The following STUM variants were observed in gnomAD, a reference collection of about 807,000 sequenced individuals.
The protein encoded by STUM is stum, mechanosensory transduction mediator homolog.
A neutral mutation model predicts 15.3 loss-of-function variants in STUM; 8 were observed. The observed-to-expected ratio is 0.52, with a 90% CI of 0.31 to 0.94. STUM has a LOEUF of 0.94. STUM is among the 40% of genes least tolerant of loss of function. The probability of loss-of-function intolerance (pLI) is 0.05; values close to 1 mark genes in which losing one functional copy is unlikely to be tolerated. For synonymous variants in STUM, 78 were observed against 88.7 expected, an observed-to-expected ratio of 0.88 and a Z score of 0.68; for missense variants, 142 against 204.9, an observed-to-expected ratio of 0.69 and a Z score of 1.87.
rs370712642 is a variant in STUM at position 226,602,054 on chromosome 1, G to T, written c.*14G>T. 1.2e-6 allele frequency: 2 copies of T among 1,603,314 alleles called. No individual in the cohort carries two copies. Among genetic ancestry groups the T allele is most frequent in the Non-Finnish European group, 8.5e-7 (1 of 1,178,220 alleles). On this transcript the variant is annotated 3_prime_UTR_variant, in exon 4 of 4. Transcript: ENST00000366788. ...CAGCAGCTGTGAGCCCACGGGAGCC[G>T]CTGGGGAGATCCAGGGGGGCCCTGT...
intron 1 of STUM, among the ~76,000 whole-genome samples, chr1:226,594,463 T>C (rs1668138945): frequency 6.6e-6 from 1 of 152,198 alleles, no homozygotes; most frequent in Admixed American, 6.5e-5. Flanking sequence ...AATGCCCTGC[T>C]TTCTGGTCTG....
At chr1:226,588,860 G>GC (rs1395187791) in intron 1 of STUM, among the ~76,000 whole-genome samples, 1 of 152,174 alleles carries the variant, frequency 6.6e-6, no homozygotes, top group African/African-American at 2.4e-5. Flanking sequence ...TGTTTCTTTG[G>GC]CTTTCAAAAT....
At chr1:226,579,435 G>A (rs1185587325) in intron 1 of STUM, among the ~76,000 whole-genome samples, 3 of 152,160 alleles carry the variant, frequency 2.0e-5, no homozygotes, top group Non-Finnish European at 4.4e-5. Flanking sequence ...TCCATGTGGT[G>A]CTTCCTGTCT....
In STUM at chr1:226,549,948, T is replaced by A. The variant is rs1018355723; in HGVS notation, c.202+842T>A. ...GGAGGCAGGGAATGAGAAGTTTTCC[T>A]GACCCTCCCTCCCTTAACTCCACCC... On this transcript the variant is annotated intron_variant, in intron 1 of 3. Transcript: ENST00000366788. This position sits in a 1 kb window ranked among gnomAD's most constrained non-coding sequence, Gnocchi z 6.8. 6.6e-6 allele frequency among the ~76,000 whole-genome samples: 1 copy of A among 152,162 alleles called. No homozygotes were observed. The highest frequency in any genetic ancestry group is 1.5e-5 in the Non-Finnish European group (1 of 68,020).
chr1:226,562,156 G>T (rs1268860324), intron 1 of STUM, among the ~76,000 whole-genome samples: 2 of 152,130 alleles, frequency 1.3e-5, no homozygotes, highest in Admixed American at 1.3e-4. Context: ...TATTCAGTGG[G>T]TGAATTTTGT....
At chr1:226,578,359 C>CTTTT (rs34568214) in intron 1 of STUM, among the ~76,000 whole-genome samples, 17 of 67,282 alleles carry the variant, frequency 2.5e-4, no homozygotes, top group East Asian at 4.9e-4. Context: ...CAACCCCCAG[C>CTTTT]TTTTTTTTTT....
At chr1:226,585,071 A>G (rs751312168) in intron 1 of STUM, among the ~76,000 whole-genome samples, 1 of 152,224 alleles carries the variant, frequency 6.6e-6, no homozygotes, top group Non-Finnish European at 1.5e-5. Flanking sequence ...TAGTCATCAC[A>G]ATTATAATTT....
At chr1:226,551,086 T>TA (rs1436233789) in intron 1 of STUM, among the ~76,000 whole-genome samples, 5 of 151,406 alleles carry the variant, frequency 3.3e-5, no homozygotes, top group South Asian at 4.2e-4. Context: ...TTTTTTTTTT[T>TA]AATTTTGCTT....
chr1:226,591,936 A>T (rs538136577), intron 1 of STUM, among the ~76,000 whole-genome samples: 1 of 152,272 alleles, frequency 6.6e-6, no homozygotes, highest in South Asian at 2.1e-4. Flanking sequence ...AGAGATCAGA[A>T]CACCATCCAA....
At chr1:226,578,149 C>G (rs1234905249) in intron 1 of STUM, among the ~76,000 whole-genome samples, 3 of 152,146 alleles carry the variant, frequency 2.0e-5, no homozygotes, top group Non-Finnish European at 2.9e-5. Flanking sequence ...CAATATCTCA[C>G]CATCTTGCTT....
At chr1:226,579,501 A>T (rs1332973023) in intron 1 of STUM, among the ~76,000 whole-genome samples, 2 of 152,064 alleles carry the variant, frequency 1.3e-5, no homozygotes, top group African/African-American at 4.8e-5. Flanking sequence ...TGAGATGAGG[A>T]GGTCTGTGAA....
At chr1:226,579,662 T>G (rs1667887834) in intron 1 of STUM, among the ~76,000 whole-genome samples, 1 of 146,554 alleles carries the variant, frequency 6.8e-6, no homozygotes, top group African/African-American at 2.5e-5. Context: ...AGACAGGGCC[T>G]TTTTCGCCCA....
chr1:226,604,537 G>GT lies in STUM; in HGVS notation c.*2497_*2498insT, dbSNP rs1387910289. 3 of 152,136 alleles carry GT rather than the reference G, an allele frequency of 2.0e-5. No individual in the cohort carries two copies. Among genetic ancestry groups the GT allele is most frequent in the Non-Finnish European group, 4.4e-5 (3 of 68,030 alleles). 9.4% of individuals were successfully genotyped at this position (152,136 alleles called of 1,614,324 possible). A position where few individuals can be genotyped will look rare whatever the true frequency, so the allele number is the denominator to read the frequency against. ...GGGACCGGTTCAAAATAGCGCCCCC[G>GT]CCCCTCTAAATTAGACCGTGGTCTC... On this transcript the variant is annotated 3_prime_UTR_variant, in exon 4 of 4. Coordinates refer to ENST00000366788, the MANE Select transcript of STUM (RefSeq NM_001003665.4). This position sits in a 1 kb window ranked among gnomAD's most constrained non-coding sequence, Gnocchi z 4.7.
chr1:226,593,077 T>C (rs753620078), intron 1 of STUM, among the ~76,000 whole-genome samples: 4 of 151,578 alleles, frequency 2.6e-5, no homozygotes, highest in Non-Finnish European at 5.9e-5. Flanking sequence ...TCCCAGCTAC[T>C]TGGGAGGCTG....
At position 226,580,205 on chromosome 1, in the gene STUM, A is replaced by G. The variant is rs144749737; in HGVS notation, c.203-16597A>G. On this transcript the variant is annotated intron_variant, in intron 1 of 3. Coordinates refer to ENST00000366788, the MANE Select transcript of STUM (RefSeq NM_001003665.4). Reference sequence around the variant, plus strand: ...GGGAATCCTGGGTTCTGGCTGGTGCAGGTGATGGGAGTGGGTGTGGATCTC... The same window carrying G: ...GGGAATCCTGGGTTCTGGCTGGTGCGGGTGATGGGAGTGGGTGTGGATCTC... Among the ~76,000 whole-genome samples, 119 of 152,292 alleles carry G rather than the reference A, an allele frequency of 7.8e-4. 1 individual carries two copies. The East Asian group carries it at 0.019, about 24-fold the overall frequency.
chr1:226,593,998 A>G (rs1333213862), intron 1 of STUM, among the ~76,000 whole-genome samples: 6 of 152,196 alleles, frequency 3.9e-5, no homozygotes, highest in African/African-American at 1.4e-4. Flanking sequence ...CAGGCCACCT[A>G]CTGTGTACAA....
In STUM at chr1:226,602,289, G is replaced by A; in HGVS notation, c.*249G>A. The A allele has an allele frequency of 5.7e-6, 3 of 525,342 alleles. No individual in the cohort carries two copies. Among genetic ancestry groups the A allele is most frequent in the Non-Finnish European group, 1.0e-5 (3 of 292,614 alleles). The allele number at this position is 525,342 out of a possible 1,614,324, so 32.5% of individuals were successfully genotyped here. A position where few individuals can be genotyped will look rare whatever the true frequency, so the allele number is the denominator to read the frequency against. On this transcript the variant is annotated 3_prime_UTR_variant, in exon 4 of 4. Coordinates refer to ENST00000366788, the MANE Select transcript of STUM (RefSeq NM_001003665.4). ...GCACCAGAGCATCAGAGAGTGGGGT[G>A]GAGATGAGAACGCCCACAGAGAGGC...
Position 226,549,155 on chromosome 1 carries a change from G to C in STUM, c.202+49G>C, listed in dbSNP as rs754567693. ...TTGCGACCCCCACCCCGCCGCGGGA[G>C]GGCGTGGGGGGAGAGAAGGGCGCGG... is the stretch of plus-strand genomic sequence containing the variant. On this transcript the variant is annotated intron_variant, in intron 1 of 3. Coordinates refer to ENST00000366788, the MANE Select transcript of STUM (RefSeq NM_001003665.4). This position sits in a 1 kb window ranked among gnomAD's most constrained non-coding sequence, Gnocchi z 6.8. 4 of 1,494,020 alleles carry C rather than the reference G, an allele frequency of 2.7e-6. No individual in the cohort carries two copies. In the East Asian group the frequency reaches 1.0e-4, roughly 39 times the overall value. The allele number at this position is 1,494,020 out of a possible 1,614,324, so 92.5% of individuals were successfully genotyped here. A position where few individuals can be genotyped will look rare whatever the true frequency, so the allele number is the denominator to read the frequency against.
Position 226,602,954 on chromosome 1 carries a change from G to T in STUM, c.*914G>T, listed in dbSNP as rs1484961704. 6.6e-6 allele frequency: 1 copy of T among 152,122 alleles called. No individual in the cohort carries two copies. Among genetic ancestry groups the T allele is most frequent in the Non-Finnish European group, 1.5e-5 (1 of 68,032 alleles). 9.4% of individuals were successfully genotyped at this position (152,122 alleles called of 1,614,324 possible). A position where few individuals can be genotyped will look rare whatever the true frequency, so the allele number is the denominator to read the frequency against. On this transcript the variant is annotated 3_prime_UTR_variant, in exon 4 of 4. Transcript: ENST00000366788. ...TTTATCGTACACTTTCTAACTTCCC[G>T]GCAGAGTGTGGAACATCTCGCCTAC... is the stretch of plus-strand genomic sequence containing the variant.
Sources: allele counts gnomAD v4.1 joint callset (sites outside exome capture counted in the v4.1 genomes callset), GRCh38; gene constraint gnomAD v4.1.1; non-coding constraint Gnocchi (gnomAD v3.1); transcripts MANE v1.5; gene names NCBI Gene and HGNC (gene_info 2026-07-23, HGNC 2026-07-21).